The following TENM2 variants were observed in gnomAD, a reference collection of about 807,000 sequenced individuals.
TENM2 encodes teneurin transmembrane protein 2, also known as teneurin-2.
Under a neutral mutation model 245.2 loss-of-function variants are expected in TENM2, and 52 were observed. The observed-to-expected ratio is 0.21, with a 90% CI of 0.17 to 0.27. The LOEUF is 0.27. TENM2 is among the 10% of genes least tolerant of loss of function. The pLI is 1.00. For missense variants in TENM2, 3,046 were observed against 3,666.8 expected (o/e 0.83, Z 4.37); for synonymous variants, 1,363 against 1,438.9 (o/e 0.95, Z 1.19).
intron 2 of TENM2, among the ~76,000 whole-genome samples, chr5:167,516,202 C>T (rs1351543594): frequency 1.3e-5 from 2 of 152,114 alleles, no homozygotes; most frequent in African/African-American, 4.8e-5. Flanking sequence ...TTGTTAGTGA[C>T]AGATATCATC....
At chr5:167,076,437 A>G in the TENM2 span, among the ~76,000 whole-genome samples, 5 of 152,220 alleles carry the variant, frequency 3.3e-5, no homozygotes, top group African/African-American at 9.6e-5. Context: ...ATATTTTTCA[A>G]TATTATTAAA....
chr5:168,120,581 C>G (rs1380512508), intron 10 of TENM2, among the ~76,000 whole-genome samples: 1 of 152,154 alleles, frequency 6.6e-6, no homozygotes, highest in African/African-American at 2.4e-5. Flanking sequence ...ACTATCCCAC[C>G]CAGTCTTATT....
chr5:167,772,980 A>G (rs551311972), intron 2 of TENM2, among the ~76,000 whole-genome samples: 4 of 152,348 alleles, frequency 2.6e-5, no homozygotes, highest in Admixed American at 2.6e-4. Context: ...GAGCAGTGAA[A>G]AAAGATGCTA....
intron 2 of TENM2, among the ~76,000 whole-genome samples, chr5:167,634,503 G>C (rs1336770501): frequency 1.4e-5 from 2 of 147,012 alleles, no homozygotes; most frequent in Non-Finnish European, 3.0e-5. Flanking sequence ...TTGAGAGAGA[G>C]ACTCAGAAAA....
chr5:168,085,160 G>T (rs1162053770), intron 7 of TENM2, among the ~76,000 whole-genome samples: 1 of 152,236 alleles, frequency 6.6e-6, no homozygotes, highest in Non-Finnish European at 1.5e-5. Flanking sequence ...GATGAAATGT[G>T]ATAACACACA....
intron 2 of TENM2, among the ~76,000 whole-genome samples, chr5:167,391,206 T>C (rs2127362091): frequency 6.6e-6 from 1 of 152,246 alleles, no homozygotes; most frequent in South Asian, 2.1e-4. Flanking sequence ...ATCCATTTCA[T>C]CAAGAATTTA....
In TENM2 at chr5:167,472,791, T is replaced by G. The variant is rs558654089; in HGVS notation, c.502+97318T>G. Among the ~76,000 whole-genome samples, 5 of 152,330 alleles carry G rather than the reference T, an allele frequency of 3.3e-5. No individual in the cohort carries two copies. The South Asian group carries it at 1.0e-3, about 32-fold the overall frequency. On this transcript the variant is annotated intron_variant, in intron 2 of 28. Transcript: ENST00000518659. ...TGAAAGATAAATGCTACGTGTGAAGTTAATAAACCATAATTGGAATTTGCT... is the reference window on the plus strand; with the variant it reads ...TGAAAGATAAATGCTACGTGTGAAGGTAATAAACCATAATTGGAATTTGCT...
chr5:167,501,087 A>G (rs1030948434), intron 2 of TENM2, among the ~76,000 whole-genome samples: 4 of 152,180 alleles, frequency 2.6e-5, no homozygotes, highest in Admixed American at 6.6e-5. Flanking sequence ...GGCTACAAAT[A>G]CCAGTCACAC....
At chr5:167,779,787 A>G (rs1007388360) in intron 2 of TENM2, among the ~76,000 whole-genome samples, 1 of 152,210 alleles carries the variant, frequency 6.6e-6, no homozygotes, top group Admixed American at 6.5e-5. Flanking sequence ...TGGCATTGCA[A>G]TCATCTCCTA....
intron 2 of TENM2, among the ~76,000 whole-genome samples, chr5:167,543,240 T>C (rs1772331514): frequency 6.6e-6 from 1 of 152,136 alleles, no homozygotes; most frequent in Admixed American, 6.5e-5. Context: ...GGTACCACAT[T>C]CCATTGGGCT....
chr5:168,031,385 T>C, intron 5 of TENM2, among the ~76,000 whole-genome samples: 1 of 152,234 alleles, frequency 6.6e-6, no homozygotes, highest in East Asian at 1.9e-4. Flanking sequence ...GCTTGTAACC[T>C]AGCTATTTGG....
At position 167,611,971 on chromosome 5, in the gene TENM2, T is replaced by C. The variant is rs141869235; in HGVS notation, c.502+236498T>C. 8.5e-5 allele frequency among the ~76,000 whole-genome samples: 13 copies of C among 152,280 alleles called. No individual in the cohort carries two copies. The East Asian group carries it at 2.5e-3, about 29-fold the overall frequency. The stretch of plus-strand genomic sequence containing the variant: ...TAACAAGTCACATTTTATATCATGT[T>C]CCAAATACTCTGAAGTGATTTCATA... On this transcript the variant is annotated intron_variant, in intron 2 of 28. Coordinates refer to ENST00000518659, the Ensembl canonical transcript of TENM2.
At chr5:167,901,312 A>G (rs1775688699) in intron 3 of TENM2, among the ~76,000 whole-genome samples, 1 of 152,220 alleles carries the variant, frequency 6.6e-6, no homozygotes, top group Non-Finnish European at 1.5e-5. Flanking sequence ...GATGAAAAAA[A>G]TCATATTTAT....
chr5:167,047,499 G>C, the TENM2 span, among the ~76,000 whole-genome samples: 43,275 of 86,222 alleles, frequency 0.5, 12,583 homozygotes, highest in African/African-American at 0.78. Flanking sequence ...GTGAGAATTA[G>C]AAAGAAAGTT....
At chr5:168,070,690 G>C (rs111233634) in intron 7 of TENM2, among the ~76,000 whole-genome samples, 5 of 151,582 alleles carry the variant, frequency 3.3e-5, no homozygotes, top group African/African-American at 1.2e-4. Flanking sequence ...TTGGGAGGCT[G>C]AGATGGGAGG....
chr5:167,294,549 TG>T (rs143842510), intron 1 of TENM2, among the ~76,000 whole-genome samples: 2,236 of 152,276 alleles, frequency 0.015, 22 homozygotes, highest in Non-Finnish European at 0.024. Flanking sequence ...ATTCACTCAG[TG>T]CAAACTTGAC....
chr5:166,988,050 A>C, the TENM2 span, among the ~76,000 whole-genome samples: 1 of 152,212 alleles, frequency 6.6e-6, no homozygotes, highest in African/African-American at 2.4e-5. Context: ...CACCAGGTGA[A>C]TAGCTCTGAA....
chr5:168,195,276 A>G (rs559473576), exon 15 of TENM2: 6 of 1,592,920 alleles, frequency 3.8e-6, no homozygotes, highest in South Asian at 2.3e-5. Flanking sequence ...CGGCTACACC[A>G]TCACCCGCCA....
chr5:167,123,575 A>C, the TENM2 span, among the ~76,000 whole-genome samples: 1 of 152,202 alleles, frequency 6.6e-6, no homozygotes, highest in Non-Finnish European at 1.5e-5. Context: ...AAACTTTTGC[A>C]GTGTATCCTC....
Sources: allele counts gnomAD v4.1 joint callset (sites outside exome capture counted in the v4.1 genomes callset), GRCh38; gene constraint gnomAD v4.1.1; transcripts MANE v1.5; gene names NCBI Gene and HGNC (gene_info 2026-07-23, HGNC 2026-07-21).